The following CNTNAP4 variants were observed in gnomAD, a reference collection of about 807,000 sequenced individuals.
The protein encoded by CNTNAP4 is contactin-associated protein-like 4.
CNTNAP4 carries 98 observed loss-of-function variants against 148.4 expected under a neutral mutation model. The ratio of observed to expected loss-of-function variants is 0.66; its 90% CI spans 0.56 to 0.78. The LOEUF (loss-of-function observed/expected upper bound fraction) is 0.78, where lower values mean the gene tolerates loss of function less well. CNTNAP4 is among the 30% of genes least tolerant of loss of function. The pLI is 0.00. For synonymous variants in CNTNAP4, 730 were observed against 565.1 expected, an observed-to-expected ratio of 1.29 and a Z score of -4.14; for missense variants, 1,935 against 1,565.6, an observed-to-expected ratio of 1.24 and a Z score of -3.98.
chr16:76,355,764 A>G (rs1309257192), intron 3 of CNTNAP4, among the ~76,000 whole-genome samples: 1 of 149,002 alleles, frequency 6.7e-6, no homozygotes, highest in African/African-American at 2.4e-5. Context: ...TCCATTAAAT[A>G]GTGTGGGAGT....
At chr16:76,468,024 G>C (rs916787741) in intron 10 of CNTNAP4, among the ~76,000 whole-genome samples, 5 of 152,092 alleles carry the variant, frequency 3.3e-5, no homozygotes, top group African/African-American at 7.2e-5. Context: ...ATCTTCTCTG[G>C]AGGGAAAATG....
intron 2 of CNTNAP4, among the ~76,000 whole-genome samples, chr16:76,324,164 C>T (rs192875706): frequency 1.6e-3 from 246 of 152,214 alleles, no homozygotes; most frequent in African/African-American, 5.4e-3. Flanking sequence ...AGGATGCTCC[C>T]GCCTTAGGAG....
At chr16:76,346,450 AAG>A (rs1491414186) in intron 2 of CNTNAP4, among the ~76,000 whole-genome samples, 1 of 151,470 alleles carries the variant, frequency 6.6e-6, no homozygotes, top group East Asian at 1.9e-4. Context: ...AAAAAAAAAA[AAG>A]AAGGTAGAGA....
In CNTNAP4 at chr16:76,467,446, A is replaced by G. The variant is rs1227659621; in HGVS notation, c.1578A>G (p.Val526=). 1 of 1,613,866 alleles carries G rather than the reference A, an allele frequency of 6.2e-7. No individual in the cohort carries two copies. Among genetic ancestry groups the G allele is most frequent in the Non-Finnish European group, 8.5e-7 (1 of 1,179,832 alleles). The change falls in exon 10 of 24, where the codon GTA becomes GTG. Residue 526 remains valine (V), a synonymous_variant. Transcript: ENST00000611870. ...TCATTTCTATCAGCGGCAAAGTGGT[A>G]GATCTGATTTCAGTTCAGCAGGGGT... is the stretch of plus-strand genomic sequence containing the variant. The part of the protein sequence containing the change: ...MRLISISGKV[V]DLISVQQGSL...
chr16:76,537,918 A>G (rs1043196614), intron 18 of CNTNAP4, among the ~76,000 whole-genome samples, 198 bp from the exon 19 acceptor site: 2 of 152,140 alleles, frequency 1.3e-5, no homozygotes, highest in African/African-American at 4.8e-5. Context: ...TGCATTAATT[A>G]TATGTCATTT....
At chr16:76,434,654 T>C (rs2079746322) in intron 4 of CNTNAP4, among the ~76,000 whole-genome samples, 1 of 152,178 alleles carries the variant, frequency 6.6e-6, no homozygotes, top group Non-Finnish European at 1.5e-5. Flanking sequence ...CCTCCAGGGA[T>C]GTGATATTGT....
At chr16:76,306,470 C>T (rs1044795786) in intron 1 of CNTNAP4, among the ~76,000 whole-genome samples, 4 of 152,178 alleles carry the variant, frequency 2.6e-5, no homozygotes, top group African/African-American at 9.6e-5. Flanking sequence ...TTGGCTCCTA[C>T]ACTCTGAAAC....
intron 2 of CNTNAP4, among the ~76,000 whole-genome samples, chr16:76,351,780 C>T (rs1212183790): frequency 1.3e-5 from 2 of 152,188 alleles, no homozygotes; most frequent in African/African-American, 4.8e-5. Context: ...GAAGAGGGAG[C>T]AGTCAGTGAG....
chr16:76,317,397 A>G (rs1388611744), intron 2 of CNTNAP4, among the ~76,000 whole-genome samples: 1 of 152,092 alleles, frequency 6.6e-6, no homozygotes, highest in Non-Finnish European at 1.5e-5. Context: ...ACCTTGCTGT[A>G]GAAATAAGAC....
intron 17 of CNTNAP4, among the ~76,000 whole-genome samples, chr16:76,534,047 G>A (rs1041282491): frequency 6.6e-6 from 1 of 152,142 alleles, no homozygotes; most frequent in South Asian, 2.1e-4. Flanking sequence ...TTCATTATTT[G>A]CAAAGAGATA....
intron 17 of CNTNAP4, among the ~76,000 whole-genome samples, chr16:76,525,545 CAA>C (rs1328557744): frequency 6.9e-6 from 1 of 145,596 alleles, no homozygotes. Flanking sequence ...GTGGAAGAGA[CAA>C]GAGACAGCCA....
chr16:76,535,654 G>A lies in CNTNAP4; in HGVS notation c.2865G>A (p.Gln955=), dbSNP rs761974147. The change falls in exon 18 of 24, where the codon CAG becomes CAA. Residue 955 remains glutamine, a synonymous_variant. Transcript: ENST00000611870. ...EERAQVTPEV[Q]PGCRGHCSSY... is the part of the protein sequence containing the mutation. ...GAGCCCAGGTGACTCCAGAAGTGCA[G>A]CCAGGTTGTAGGGGACATTGCAGCA... 6.2e-7 allele frequency: 1 copy of A among 1,613,976 alleles called. No individual in the cohort carries two copies. Among genetic ancestry groups the A allele is most frequent in the African/African-American group, 1.3e-5 (1 of 74,922 alleles).
chr16:76,530,435 G>A (rs754312483), intron 17 of CNTNAP4, among the ~76,000 whole-genome samples: 2 of 152,078 alleles, frequency 1.3e-5, no homozygotes, highest in Admixed American at 6.6e-5. Flanking sequence ...AAATCTTAGC[G>A]ATCATTGACT....
chr16:76,322,399 C>T (rs973836444), intron 2 of CNTNAP4, among the ~76,000 whole-genome samples: 2 of 152,206 alleles, frequency 1.3e-5, no homozygotes, highest in Non-Finnish European at 2.9e-5. Context: ...AACTTCAGCT[C>T]TTCCACTCTC....
intron 3 of CNTNAP4, among the ~76,000 whole-genome samples, chr16:76,393,716 G>A (rs556763717): frequency 1.3e-5 from 2 of 152,152 alleles, no homozygotes; most frequent in South Asian, 2.1e-4. Flanking sequence ...GACTCCCATT[G>A]TGGGGCAGAG....
intron 12 of CNTNAP4, among the ~76,000 whole-genome samples, chr16:76,484,478 A>T (rs2081955008): frequency 1.3e-5 from 2 of 152,214 alleles, no homozygotes; most frequent in Non-Finnish European, 2.9e-5. Context: ...AACATATTCA[A>T]ACAAAAGTGA....
At chr16:76,498,051 A>G (rs1320176975) in intron 14 of CNTNAP4, among the ~76,000 whole-genome samples, 1 of 152,160 alleles carries the variant, frequency 6.6e-6, no homozygotes, top group African/African-American at 2.4e-5. Flanking sequence ...CATATGCTAT[A>G]TTTTATATTC....
At chr16:76,444,189 C>T (rs1176676101) in intron 4 of CNTNAP4, among the ~76,000 whole-genome samples, 4 of 152,048 alleles carry the variant, frequency 2.6e-5, no homozygotes, top group South Asian at 2.1e-4. Context: ...GGACAATAAA[C>T]CCATAACCTT....
At chr16:76,470,348 C>A (rs2081318570) in intron 10 of CNTNAP4, among the ~76,000 whole-genome samples, 1 of 151,440 alleles carries the variant, frequency 6.6e-6, no homozygotes, top group Non-Finnish European at 1.5e-5. Context: ...TAAAAACAAG[C>A]ATTAACAGCC....
Sources: gnomAD v4.1 joint callset for allele counts (sites outside exome capture counted in the v4.1 genomes callset) on GRCh38, gnomAD v4.1.1 for gene constraint, MANE v1.5 for transcripts, NCBI Gene and HGNC (gene_info 2026-07-23, HGNC 2026-07-21) for gene names.